Variants in FRMD3 observed in about 807,000 individuals in gnomAD.
FRMD3 encodes FERM domain containing 3, also known as FERM domain-containing protein 3.
A neutral mutation model predicts 70.2 loss-of-function variants in FRMD3; 33 were observed. That is an observed-to-expected ratio of 0.47 (90% confidence interval 0.36 to 0.63). FRMD3 has a LOEUF of 0.63. Ranked by LOEUF, FRMD3 falls within the 20% of genes least tolerant of loss-of-function variation. The pLI is 0.00. For synonymous variants in FRMD3, 279 were observed against 255.9 expected, an observed-to-expected ratio of 1.09 and a Z score of -0.86; for missense variants, 632 against 711.4, an observed-to-expected ratio of 0.89 and a Z score of 1.27.
intron 1 of FRMD3, among the ~76,000 whole-genome samples, chr9:83,423,585 CTTTTTT>C (rs869226126): frequency 1.7e-5 from 1 of 60,490 alleles, no homozygotes; most frequent in Non-Finnish European, 3.0e-5. Context: ...AGCCCTGTTT[CTTTTTT>C]TTTTTTTTTT....
At chr9:83,443,216 G>A (rs937538391) in intron 1 of FRMD3, among the ~76,000 whole-genome samples, 6 of 152,052 alleles carry the variant, frequency 3.9e-5, no homozygotes, top group Non-Finnish European at 7.4e-5. Flanking sequence ...ATGCATACAT[G>A]TGCCATGTTG....
the FRMD3 span, among the ~76,000 whole-genome samples, chr9:83,569,473 C>T: frequency 3.3e-5 from 5 of 152,358 alleles, no homozygotes; most frequent in Admixed American, 6.5e-5. Flanking sequence ...CCCACAGAAA[C>T]GGGGACTTGC....
At chr9:83,582,746 C>T in the FRMD3 span, among the ~76,000 whole-genome samples, 1 of 152,022 alleles carries the variant, frequency 6.6e-6, no homozygotes, top group African/African-American at 2.4e-5. Flanking sequence ...TACTTCAAAG[C>T]CCTGGAATTA....
chr9:83,561,031 T>A, the FRMD3 span, among the ~76,000 whole-genome samples: 1 of 152,262 alleles, frequency 6.6e-6, no homozygotes, highest in Non-Finnish European at 1.5e-5. Flanking sequence ...AAGAATGAAG[T>A]TAGGAAACAC....
intron 1 of FRMD3, among the ~76,000 whole-genome samples, chr9:83,493,126 C>T (rs1388785075): frequency 6.6e-6 from 1 of 152,168 alleles, no homozygotes; most frequent in African/African-American, 2.4e-5. Flanking sequence ...ACCTCACACA[C>T]AAAACCCACA....
chr9:83,569,108 GATAATAAGCT>G, the FRMD3 span, among the ~76,000 whole-genome samples: 2 of 152,080 alleles, frequency 1.3e-5, no homozygotes, highest in Admixed American at 6.6e-5. Context: ...TCTTTGCAAA[GATAATAAGCT>G]ATTTAAAAAA....
intron 6 of FRMD3, among the ~76,000 whole-genome samples, chr9:83,325,759 T>A (rs1228745118): frequency 6.6e-6 from 1 of 152,236 alleles, no homozygotes; most frequent in Non-Finnish European, 1.5e-5. Flanking sequence ...AATCTGAAAC[T>A]AAAACCTGCA....
At chr9:83,452,848 C>CTTTTTTTTTTTTTTT (rs11346596) in intron 1 of FRMD3, among the ~76,000 whole-genome samples, 1 of 72,362 alleles carries the variant, frequency 1.4e-5, no homozygotes, top group Non-Finnish European at 2.4e-5. Flanking sequence ...TTTTTATTGC[C>CTTTTTTTTTTTTTTT]TTTTTTTTTT....
chr9:83,284,180 G>A (rs1185789630), intron 13 of FRMD3, among the ~76,000 whole-genome samples: 2 of 150,660 alleles, frequency 1.3e-5, no homozygotes, highest in African/African-American at 4.9e-5. Context: ...ACAAAACCCT[G>A]TGGTAGGGAC....
At chr9:83,555,633 C>T in the FRMD3 span, among the ~76,000 whole-genome samples, 1 of 152,206 alleles carries the variant, frequency 6.6e-6, no homozygotes, top group South Asian at 2.1e-4. Flanking sequence ...TTAGGGCCTG[C>T]AGGCTATTAC....
chr9:83,260,991 C>A (rs1470848525), intron 13 of FRMD3, among the ~76,000 whole-genome samples: 1 of 152,068 alleles, frequency 6.6e-6, no homozygotes, highest in East Asian at 1.9e-4. Context: ...TCTAATACTA[C>A]AAATGTTCCT....
At chr9:83,265,432 TA>T (rs1462552036) in intron 13 of FRMD3, among the ~76,000 whole-genome samples, 1 of 137,234 alleles carries the variant, frequency 7.3e-6, no homozygotes, top group Admixed American at 7.3e-5. Flanking sequence ...GCCTGTGTCA[TA>T]AAGTTAACAT....
At chr9:83,353,647 C>T (rs1824237560) in intron 3 of FRMD3, among the ~76,000 whole-genome samples, 1 of 152,190 alleles carries the variant, frequency 6.6e-6, no homozygotes, top group Non-Finnish European at 1.5e-5. Flanking sequence ...GTCCCTCTGA[C>T]AGAATCAAAA....
At chr9:83,566,828 G>A in the FRMD3 span, among the ~76,000 whole-genome samples, 1 of 152,168 alleles carries the variant, frequency 6.6e-6, no homozygotes, top group Non-Finnish European at 1.5e-5. Context: ...GCTTTGCAGG[G>A]TACAGCCTCC....
chr9:83,352,466 A>T (rs561944086), intron 3 of FRMD3, among the ~76,000 whole-genome samples: 2 of 152,166 alleles, frequency 1.3e-5, no homozygotes, highest in African/African-American at 4.8e-5. Context: ...GGATCAGGCA[A>T]TGAGGCCCAG....
At chr9:83,478,179 C>A (rs1828442855) in intron 1 of FRMD3, among the ~76,000 whole-genome samples, 1 of 152,208 alleles carries the variant, frequency 6.6e-6, no homozygotes, top group East Asian at 1.9e-4. Flanking sequence ...AAAGTTAAAA[C>A]CATGCAGTTC....
intron 3 of FRMD3, among the ~76,000 whole-genome samples, chr9:83,354,764 C>T (rs1451958747): frequency 2.6e-5 from 4 of 152,074 alleles, no homozygotes; most frequent in African/African-American, 9.7e-5. Flanking sequence ...GTCATATGTG[C>T]TATGGGAAAG....
chr9:83,253,007 A>T (rs6559716), intron 13 of FRMD3, among the ~76,000 whole-genome samples: 4 of 152,076 alleles, frequency 2.6e-5, no homozygotes, highest in South Asian at 2.1e-4. Flanking sequence ...ACCTGAACTC[A>T]GCTCCAGATC....
chr9:83,538,723 C>T (rs578149648), upstream of FRMD3, among the ~76,000 whole-genome samples: 3 of 152,314 alleles, frequency 2.0e-5, no homozygotes, highest in African/African-American at 7.2e-5. This position sits in a 1 kb window ranked among gnomAD's most constrained non-coding sequence, Gnocchi z 4.7. Flanking sequence ...CGCTGTCGCT[C>T]GGGCTCCCGG....
Sources: allele counts gnomAD v4.1 joint callset (sites outside exome capture counted in the v4.1 genomes callset), GRCh38; gene constraint gnomAD v4.1.1; non-coding constraint Gnocchi (gnomAD v3.1); transcripts MANE v1.5; gene names NCBI Gene and HGNC (gene_info 2026-07-23, HGNC 2026-07-21).